ZMYND8: variants seen among roughly 807,000 people sequenced by gnomAD.
The protein encoded by ZMYND8 is MYND-type zinc finger-containing chromatin reader ZMYND8.
In ZMYND8, 37 loss-of-function variants were observed where a neutral mutation model predicts 140.8. The observed-to-expected ratio is 0.26, with a 90% confidence interval of 0.20 to 0.35. The LOEUF (loss-of-function observed/expected upper bound fraction) is 0.35. Among genes scored for constraint, ZMYND8 ranks in the 10% least tolerant of loss-of-function variants. The pLI, the probability that ZMYND8 is intolerant of heterozygous loss-of-function variation, is 1.00. For missense variants in ZMYND8, 1,068 were observed against 1,570.0 expected (o/e 0.68, Z 5.40); for synonymous variants, 592 against 597.1 (o/e 0.99, Z 0.12).
Position 47,298,079 on chromosome 20 carries a change from C to T in ZMYND8, c.453+650G>A, listed in dbSNP as rs1326333621. Among the ~76,000 whole-genome samples, 1 of 152,218 alleles carries T rather than the reference C, an allele frequency of 6.6e-6. No individual in the cohort carries two copies. Among genetic ancestry groups the T allele is most frequent in the African/African-American group, 2.4e-5 (1 of 41,452 alleles). The stretch of plus-strand genomic sequence containing the variant: ...TCAAAATGAAAACACCTTGCACTCC[C>T]TTGGACCTCCTATTCCCATCCTGAA... On this transcript the variant is annotated intron_variant, in intron 4 of 22. Coordinates refer to ENST00000471951, the MANE Select transcript of ZMYND8 (RefSeq NM_001281775.3). The surrounding 1 kb of genome is among the most constrained non-coding windows in gnomAD (Gnocchi z 5.0).
At chr20:47,340,362 C>T (rs2081750667) in intron 2 of ZMYND8, among the ~76,000 whole-genome samples, 1 of 152,110 alleles carries the variant, frequency 6.6e-6, no homozygotes, top group Admixed American at 6.5e-5. Context: ...ACTTACAGTC[C>T]CAGCTACTCG....
intron 11 of ZMYND8, among the ~76,000 whole-genome samples, chr20:47,274,420 T>C (rs1318201744): frequency 6.6e-6 from 1 of 152,222 alleles, no homozygotes; most frequent in African/African-American, 2.4e-5. Context: ...CAACACTAAT[T>C]CACAAAGTCG....
intron 11 of ZMYND8, among the ~76,000 whole-genome samples, chr20:47,264,537 G>A (rs938407709): frequency 7.2e-5 from 11 of 151,892 alleles, no homozygotes; most frequent in East Asian, 1.9e-4. Flanking sequence ...TCAGCCTCCC[G>A]AAGTGCTGGG....
chr20:47,352,517 G>C, intron 1 of ZMYND8: 4 of 985,486 alleles, frequency 4.1e-6, no homozygotes, highest in Non-Finnish European at 4.8e-6. Flanking sequence ...CAGAGCCTGA[G>C]AATTAACAAT....
chr20:47,345,159 T>C (rs1477840747), intron 2 of ZMYND8, among the ~76,000 whole-genome samples: 1 of 152,086 alleles, frequency 6.6e-6, no homozygotes, highest in Admixed American at 6.6e-5. Flanking sequence ...TTTATATATA[T>C]ATTTAAAACA....
At chr20:47,350,923 C>G (rs1443798553) in intron 1 of ZMYND8, among the ~76,000 whole-genome samples, 1 of 152,176 alleles carries the variant, frequency 6.6e-6, no homozygotes, top group Non-Finnish European at 1.5e-5. Flanking sequence ...TAGGAAAATA[C>G]ACCATCAACT....
At chr20:47,248,668 G>C (rs1167665788) in intron 13 of ZMYND8, among the ~76,000 whole-genome samples, 3 of 152,212 alleles carry the variant, frequency 2.0e-5, no homozygotes, top group Non-Finnish European at 4.4e-5. Flanking sequence ...GTCTAGATTG[G>C]GAGGGACACC....
At chr20:47,336,584 C>T (rs991384150) in intron 2 of ZMYND8, among the ~76,000 whole-genome samples, 1 of 152,202 alleles carries the variant, frequency 6.6e-6, no homozygotes, top group Non-Finnish European at 1.5e-5. Flanking sequence ...CCCTGGCCTT[C>T]AAGGCGCTTG....
intron 2 of ZMYND8, among the ~76,000 whole-genome samples, chr20:47,342,204 A>G (rs1028726021): frequency 1.3e-5 from 2 of 151,912 alleles, no homozygotes; most frequent in African/African-American, 4.8e-5. Context: ...AAAAACGAGC[A>G]CACTTAGTGC....
intron 2 of ZMYND8, among the ~76,000 whole-genome samples, chr20:47,327,548 T>A (rs181715098): frequency 6.8e-6 from 1 of 147,752 alleles, no homozygotes; most frequent in African/African-American, 2.7e-5. Context: ...TCCAGCTACT[T>A]GGGAGGCTGA....
intron 20 of ZMYND8, 44 bp downstream of exon 20, chr20:47,221,270 C>CA (rs1207203835): frequency 6.2e-7 from 1 of 1,606,344 alleles, no homozygotes; most frequent in Admixed American, 1.7e-5. Flanking sequence ...CCACTTGGCA[C>CA]AAAGGGTAGA....
chr20:47,247,270 A>G (rs1454484894), intron 13 of ZMYND8, among the ~76,000 whole-genome samples: 1 of 152,248 alleles, frequency 6.6e-6, no homozygotes, highest in Non-Finnish European at 1.5e-5. Flanking sequence ...CCAGCCTGCC[A>G]GGCATTGGCT....
intron 13 of ZMYND8, 123 bp downstream of exon 13, chr20:47,249,164 T>C (rs908475504): frequency 5.0e-6 from 6 of 1,193,662 alleles, no homozygotes; most frequent in South Asian, 1.7e-5. Flanking sequence ...GAGCAAATAG[T>C]TGAAAGTTAA....
At position 47,238,958 on chromosome 20, in the gene ZMYND8, T is replaced by A; in HGVS notation, c.2465A>T (p.Gln822Leu). 3 of 1,612,976 alleles carry A rather than the reference T, an allele frequency of 1.9e-6. No homozygotes were observed. The highest frequency in any genetic ancestry group is 2.5e-6 in the Non-Finnish European group (3 of 1,178,948). ...PAATGSPVKK[Q>L]RPLLPKETAP... The stretch of plus-strand genomic sequence containing the variant: ...AGTCTCCTTCGGTAAAAGCGGCCTC[T>A]GCTTTTTCACTGGGCTTCCTGTGGC... Residue 822 changes from glutamine (Q) to leucine (L), a missense_variant, in exon 15 of 23, where the codon CAG becomes CTG. Gln to Leu is a moderately radical substitution (Grantham distance 113, BLOSUM62 -2). Coordinates refer to ENST00000471951, the MANE Select transcript of ZMYND8 (RefSeq NM_001281775.3).
At chr20:47,356,351 GAA>G (rs746822773) in intron 1 of ZMYND8, 1 of 1,301,038 alleles carries the variant, frequency 7.7e-7, no homozygotes, top group South Asian at 1.4e-5. Context: ...AAAAAAGAAG[GAA>G]AAAAAAAAGC....
At chr20:47,261,048 C>G (rs6094638) in intron 12 of ZMYND8, among the ~76,000 whole-genome samples, 1 of 151,946 alleles carries the variant, frequency 6.6e-6, no homozygotes, top group Non-Finnish European at 1.5e-5. Flanking sequence ...ATGGAGAAAC[C>G]TCATCTCTAC....
At chr20:47,223,118 T>C (rs2037221091) in intron 19 of ZMYND8, among the ~76,000 whole-genome samples, 1 of 152,274 alleles carries the variant, frequency 6.6e-6, no homozygotes, top group Non-Finnish European at 1.5e-5. Flanking sequence ...TATTGTATTA[T>C]TTATGGGACA....
At position 47,238,787 on chromosome 20, in the gene ZMYND8, G is replaced by C. The variant is rs1452761372; in HGVS notation, c.2636C>G (p.Thr879Arg). 2 of 1,612,462 alleles carry C rather than the reference G, an allele frequency of 1.2e-6. No homozygotes were observed. The highest frequency in any genetic ancestry group is 1.3e-5 in the African/African-American group (1 of 74,874). ...CACAGCCTGTCTGGTCTGATATCTC[G>C]TCCCCTGGGAAGACTGAGGCTGCTG... is the stretch of plus-strand genomic sequence containing the variant. ...QQQQPQSSQG[T>R]RYQTRQAVKA... The change falls in exon 15 of 23, where the codon ACG becomes AGG. Residue 879 changes from threonine to arginine, a missense_variant. Coordinates refer to ENST00000471951, the MANE Select transcript of ZMYND8 (RefSeq NM_001281775.3).
intron 7 of ZMYND8, among the ~76,000 whole-genome samples, chr20:47,288,392 C>CTTTTTTTT (rs11411701): frequency 2.4e-5 from 3 of 123,292 alleles, no homozygotes; most frequent in Non-Finnish European, 1.6e-5. Context: ...TACACCAATT[C>CTTTTTTTT]TTTTTTTTTT....
Sources: gnomAD v4.1 joint callset for allele counts (sites outside exome capture counted in the v4.1 genomes callset) on GRCh38, gnomAD v4.1.1 for gene constraint, Gnocchi (gnomAD v3.1) non-coding constraint, MANE v1.5 for transcripts, NCBI Gene and HGNC (gene_info 2026-07-23, HGNC 2026-07-21) for gene names.